The following PPP1R12C variants were observed in gnomAD, a reference collection of about 807,000 sequenced individuals.
PPP1R12C encodes leukocyte receptor cluster (LRC) encoded novel gene 3.
PPP1R12C carries 48 observed loss-of-function variants against 95.6 expected under a neutral mutation model. The observed-to-expected ratio is 0.50, with a 90% confidence interval of 0.40 to 0.64. PPP1R12C has a LOEUF of 0.64. PPP1R12C is among the 30% of genes least tolerant of loss of function. The pLI, the probability that PPP1R12C is intolerant of heterozygous loss-of-function variation, is 0.00. For synonymous variants in PPP1R12C, 480 were observed against 460.8 expected (o/e 1.04, Z -0.53); for missense variants, 1,057 against 1,083.3 (o/e 0.98, Z 0.34).
chr19:55,097,389 C>CCG (rs1568809518), intron 6 of PPP1R12C, among the ~76,000 whole-genome samples: 5 of 132,332 alleles, frequency 3.8e-5, no homozygotes, highest in East Asian at 2.4e-4. Context: ...CACCCCTTCC[C>CCG]TGCAGTTCAC....
chr19:55,093,355 C>G, intron 13 of PPP1R12C, 122 bp from the exon 14 acceptor site: 1 of 106,504 alleles, frequency 9.4e-6, no homozygotes, highest in South Asian at 3.5e-4. Flanking sequence ...GACCCCAGCC[C>G]CTCCTCCCTC....
chr19:55,092,732 C>T, intron 16 of PPP1R12C, 51 bp downstream of exon 16: 3 of 1,531,840 alleles, frequency 2.0e-6, no homozygotes, highest in Non-Finnish European at 2.6e-6. Context: ...GGGCTTTGCC[C>T]GCCCCCCGGC....
Position 55,102,631 on chromosome 19 carries a change from T to C in PPP1R12C, c.731+778A>G, listed in dbSNP as rs964311320. Among the ~76,000 whole-genome samples, 89 of 152,170 alleles carry C rather than the reference T, an allele frequency of 5.8e-4. 1 individual carries two copies. Among genetic ancestry groups the C allele is most frequent in the Admixed American group, 6.5e-5 (1 of 15,294 alleles). ...TCCATAATCACAGCAAGAATTTAAA[T>C]GCACCTCTCATAGTAACTGACAGAA... is the stretch of plus-strand genomic sequence containing the variant. On this transcript the variant is annotated intron_variant, in intron 4 of 21. Coordinates refer to ENST00000263433, the MANE Select transcript of PPP1R12C (RefSeq NM_017607.4).
At position 55,109,358 on chromosome 19, in the gene PPP1R12C, A is replaced by G. The variant is rs552614957; in HGVS notation, c.571+3109T>C. ...AGAGATCCTCCCATCTTGGCCTCCC[A>G]AAGTGCTGGGCTTACAGGTCTGAGC... On this transcript the variant is annotated intron_variant, in intron 3 of 21. Transcript: ENST00000263433. The surrounding 1 kb of genome is among the most constrained non-coding windows in gnomAD (Gnocchi z 4.4). Among the ~76,000 whole-genome samples the G allele has an allele frequency of 6.6e-6, 1 of 152,318 alleles. No homozygotes were observed. The highest frequency in any genetic ancestry group is 1.9e-4 in the East Asian group (1 of 5,176).
chr19:55,092,719 G>A (rs2084860305), intron 16 of PPP1R12C, 57 bp from the exon 17 acceptor site: 3 of 1,530,366 alleles, frequency 2.0e-6, no homozygotes, highest in African/African-American at 2.7e-5. Context: ...GCGGGTATGG[G>A]AAGGGCTTTG....
Position 55,099,050 on chromosome 19 carries a change from G to A in PPP1R12C, c.777C>T (p.Asp259=), listed in dbSNP as rs377643817. The A allele has an allele frequency of 3.7e-5, 57 of 1,552,838 alleles. No homozygotes were observed. The highest frequency in any genetic ancestry group is 4.1e-5 in the Non-Finnish European group (47 of 1,148,196). ...AGYDPELRDG[D]GWTPLHAAAH... The stretch of plus-strand genomic sequence containing the variant: ...CCGCTGCGTGCAGGGGAGTCCAGCC[G>A]TCCCCGTCCCGGAGCTCTGGGTCGT... The change falls in exon 5 of 22, where the codon GAC becomes GAT. Residue 259 remains aspartate (D), a synonymous_variant. Transcript: ENST00000263433.
At position 55,092,814 on chromosome 19, in the gene PPP1R12C, T is replaced by C; in HGVS notation, c.1880A>G (p.Lys627Arg). Residue 627 changes from lysine to arginine, a missense_variant, in exon 16 of 22, where the codon AAG becomes AGG. Physicochemically the swap from Lys to Arg is conservative, Grantham distance 26. Around this residue, in one of 5 missense-constraint regions of PPP1R12C, gnomAD observed 347 missense variants for 307.9 expected, o/e 1.13. Coordinates refer to ENST00000263433, the MANE Select transcript of PPP1R12C (RefSeq NM_017607.4). Reference sequence around the variant, plus strand: ...AGGCCCCCTCCACTCCTTTCCGACCTTGCGGTGCTCCCTGGCCGCCTGCGG... The same window carrying C: ...AGGCCCCCTCCACTCCTTTCCGACCCTGCGGTGCTCCCTGGCCGCCTGCGG... Reference protein sequence around the residue: ...PGPQAAREHRKVGKEWRGPAE... With the variant: ...PGPQAAREHRRVGKEWRGPAE... 3 of 1,562,436 alleles carry C rather than the reference T, an allele frequency of 1.9e-6. No individual in the cohort carries two copies. The highest frequency in any genetic ancestry group is 2.6e-6 in the Non-Finnish European group (3 of 1,153,738).
chr19:55,094,681 C>T lies in PPP1R12C; in HGVS notation c.1572G>A (p.Ala524=), dbSNP rs1005700310. The change falls in exon 12 of 22, where the codon GCG becomes GCA. Residue 524 remains alanine, a synonymous_variant. Transcript: ENST00000263433. ...TTCACCTCCGTCGGTCCCGGGAGTC[C>T]GCTGGGGGCGCCGTGGAGGCTGTGG... ...NVPTASTAPP[A]DSRDRRRSYQ... The T allele has an allele frequency of 5.0e-6, 8 of 1,602,434 alleles. No individual in the cohort carries two copies. Among genetic ancestry groups the T allele is most frequent in the Non-Finnish European group, 5.9e-6 (7 of 1,176,550 alleles).
At position 55,098,981 on chromosome 19, in the gene PPP1R12C, A is replaced by G. The variant is rs1191062319; in HGVS notation, c.846T>C (p.His282=). The G allele has an allele frequency of 6.4e-7, 1 of 1,566,308 alleles. No homozygotes were observed. The part of the protein sequence containing the change: ...VEDACRLLAE[H]GGGMDSLTHA... The stretch of plus-strand genomic sequence containing the variant: ...GGGTCAGTGAGTCCATGCCCCCGCC[A>G]TGCTCGGCCAGCAGGCGGCAGGCAT... The change falls in exon 5 of 22, where the codon CAT becomes CAC. Residue 282 remains histidine, a synonymous_variant. Transcript: ENST00000263433.
chr19:55,107,312 G>C (rs968326416), intron 3 of PPP1R12C, among the ~76,000 whole-genome samples: 1 of 152,112 alleles, frequency 6.6e-6, no homozygotes, highest in Non-Finnish European at 1.5e-5. Context: ...TACTTGGAAG[G>C]CTGAGGCAGG....
chr19:55,113,855 C>G (rs1187920135), intron 1 of PPP1R12C: 2 of 185,456 alleles, frequency 1.1e-5, no homozygotes, highest in East Asian at 1.3e-4. Flanking sequence ...GGGCCTTTCC[C>G]TTTCAAGGAC....
intron 1 of PPP1R12C, chr19:55,113,077 C>T (rs1444522161): frequency 1.4e-5 from 8 of 555,148 alleles, no homozygotes; most frequent in Non-Finnish European, 2.6e-5. Context: ...CATCTGGGTG[C>T]GGGAACCCCA....
chr19:55,112,794 G>C lies in PPP1R12C; in HGVS notation c.323C>G (p.Ala108Gly). The change falls in exon 2 of 22, where the codon GCC becomes GGC. Residue 108 changes from alanine (A) to glycine (G), a missense_variant and splice_region_variant. Around this residue, in one of 5 missense-constraint regions of PPP1R12C, gnomAD observed 282 missense variants for 380.4 expected, o/e 0.74. Coordinates refer to ENST00000263433, the MANE Select transcript of PPP1R12C (RefSeq NM_017607.4). ...CACCTCCAGGTTCTCATCAATGCAG[G>C]CCTGGGGGTGGGAAACAGCCGTCAG... ...NADGISALHQ[A>G]CIDENLEVVR... 1 of 1,612,170 alleles carries C rather than the reference G, an allele frequency of 6.2e-7. No homozygotes were observed. The highest frequency in any genetic ancestry group is 8.5e-7 in the Non-Finnish European group (1 of 1,179,832).
intron 6 of PPP1R12C, among the ~76,000 whole-genome samples, chr19:55,097,265 G>A (rs1377696225): frequency 2.2e-4 from 17 of 77,160 alleles, no homozygotes; most frequent in East Asian, 4.0e-4. Flanking sequence ...CCTACCCCGC[G>A]CAGTTCGCAG....
Position 55,096,026 on chromosome 19 carries a change from A to G in PPP1R12C, c.1153+25T>C, listed in dbSNP as rs768862849. 9 of 1,608,806 alleles carry G rather than the reference A, an allele frequency of 5.6e-6. No individual in the cohort carries two copies. In the South Asian group the frequency reaches 8.8e-5, roughly 16 times the overall value. ...ACCCGACCCCTCCTCCCTCGGACCCAGGAGTCCAGATTCAGGCCCCTCACC... is the reference window on the plus strand; with the variant it reads ...ACCCGACCCCTCCTCCCTCGGACCCGGGAGTCCAGATTCAGGCCCCTCACC... On this transcript the variant is annotated intron_variant, in intron 8 of 21. Transcript: ENST00000263433.
At position 55,094,730 on chromosome 19, in the gene PPP1R12C, T is replaced by A; in HGVS notation, c.1523A>T (p.Glu508Val). ...SSPPSRIPEPESPAKPNVPTA... is the reference protein window; with the variant it reads ...SSPPSRIPEPVSPAKPNVPTA... Reference sequence around the variant, plus strand: ...GGGGACGTTTGGCTTCGCTGGGGATTCAGGCTCCGGAATCCTGGAGGGAGG... The same window carrying A: ...GGGGACGTTTGGCTTCGCTGGGGATACAGGCTCCGGAATCCTGGAGGGAGG... Residue 508 changes from glutamate (E) to valine (V), a missense_variant, in exon 12 of 22, where the codon GAA (glutamate) becomes GTA (valine). By Grantham distance (121) the Glu-to-Val change is moderately radical. This residue lies in a region of PPP1R12C where 356 missense variants were observed against 330.5 expected (regional missense o/e 1.08). Transcript: ENST00000263433. 1 of 1,610,366 alleles carries A rather than the reference T, an allele frequency of 6.2e-7. No individual in the cohort carries two copies. The highest frequency in any genetic ancestry group is 8.5e-7 in the Non-Finnish European group (1 of 1,179,136).
At position 55,107,556 on chromosome 19, in the gene PPP1R12C, C is replaced by T. The variant is rs529251729; in HGVS notation, c.572-3988G>A. ...GATGAATTCATGTCCTTTGTAGGGA[C>T]ATGGATGAAGCTGGAAACCATCACT... On this transcript the variant is annotated intron_variant, in intron 3 of 21. Transcript: ENST00000263433. Among the ~76,000 whole-genome samples, 61 of 152,244 alleles carry T rather than the reference C, an allele frequency of 4.0e-4. 1 individual carries two copies. Among genetic ancestry groups the T allele is most frequent in the Middle Eastern group, 6.8e-3 (2 of 294 alleles).
chr19:55,096,922 A>C (rs1602980259), intron 6 of PPP1R12C: 1 of 126,918 alleles, frequency 7.9e-6, no homozygotes. Context: ...GCAGTTCACC[A>C]CCGTCTTCGC....
At chr19:55,094,988 C>T (rs2084893350) in intron 11 of PPP1R12C, 190 bp from the exon 12 acceptor site, 8 of 744,240 alleles carry the variant, frequency 1.1e-5, no homozygotes, top group Non-Finnish European at 1.8e-5. Flanking sequence ...GGATAAAGGA[C>T]TCTGGACAGA....
Sources: gnomAD v4.1 joint callset for allele counts (sites outside exome capture counted in the v4.1 genomes callset) on GRCh38, gnomAD v4.1.1 for gene constraint, gnomAD v4.1.1 regional missense constraint, Gnocchi (gnomAD v3.1) non-coding constraint, MANE v1.5 for transcripts, NCBI Gene and HGNC (gene_info 2026-07-23, HGNC 2026-07-21) for gene names.